The following MACROD1 variants were observed in gnomAD, a reference collection of about 807,000 sequenced individuals.
The protein encoded by MACROD1 is mono-ADP ribosylhydrolase 1.
MACROD1 carries 31 observed loss-of-function variants against 41.4 expected under a neutral mutation model. The observed-to-expected ratio is 0.75, with a 90% confidence interval of 0.56 to 1.01. The LOEUF (loss-of-function observed/expected upper bound fraction) is 1.01. MACROD1 is among the 50% of genes least tolerant of loss of function. MACROD1 has a pLI of 0.00. For missense variants in MACROD1, 473 were observed against 460.0 expected (o/e 1.03, Z -0.26); for synonymous variants, 252 against 203.4 (o/e 1.24, Z -2.03).
chr11:64,025,703 C>T lies in MACROD1; in HGVS notation c.518-10422G>A, dbSNP rs1171486516. ...TATCTGGGCAGGCCCACACTGCTCT[C>T]ATGGGCCCCCCCCGCTCCTTTTTTT... On this transcript the variant is annotated intron_variant, in intron 3 of 10. Transcript: ENST00000255681. Among the ~76,000 whole-genome samples, 11 of 129,064 alleles carry T rather than the reference C, an allele frequency of 8.5e-5. No homozygotes were observed. The East Asian group carries it at 2.2e-3, about 25-fold the overall frequency. 84.7% of individuals were successfully genotyped at this position (129,064 alleles called of 152,430 possible). A position where few individuals can be genotyped will look rare whatever the true frequency, so the allele number is the denominator to read the frequency against.
intron 3 of MACROD1, among the ~76,000 whole-genome samples, chr11:64,149,891 G>C (rs1173199352): frequency 6.6e-6 from 1 of 152,354 alleles, no homozygotes; most frequent in South Asian, 2.1e-4. Context: ...TGTCTTAGCT[G>C]TGTGTCCTCA....
chr11:64,101,165 G>A (rs1944664039), intron 3 of MACROD1, among the ~76,000 whole-genome samples: 5 of 152,100 alleles, frequency 3.3e-5, no homozygotes, highest in Admixed American at 3.3e-4. Flanking sequence ...ACGTCTGCAT[G>A]GATTCTTACA....
intron 3 of MACROD1, among the ~76,000 whole-genome samples, chr11:64,099,282 G>T (rs1034777051): frequency 6.6e-6 from 1 of 152,258 alleles, no homozygotes; most frequent in Admixed American, 6.5e-5. Context: ...CCCTGTGTGC[G>T]TCTCACATTG....
At chr11:64,049,920 CG>C (rs1043586499) in intron 3 of MACROD1, among the ~76,000 whole-genome samples, 3 of 152,138 alleles carry the variant, frequency 2.0e-5, no homozygotes, top group East Asian at 1.9e-4. Context: ...GCTGTGGCCC[CG>C]GGGGGGAGGC....
chr11:64,017,116 T>G (rs1255441490), intron 3 of MACROD1, among the ~76,000 whole-genome samples: 1 of 152,122 alleles, frequency 6.6e-6, no homozygotes, highest in East Asian at 1.9e-4. Flanking sequence ...ACTACAGGCA[T>G]GCGCCACCAC....
chr11:64,156,158 G>A (rs997036957), intron 1 of MACROD1, among the ~76,000 whole-genome samples: 1 of 151,460 alleles, frequency 6.6e-6, no homozygotes, highest in African/African-American at 2.4e-5. Context: ...ACATGTGCCT[G>A]TAGTCCCAAC....
chr11:64,035,238 G>A (rs926329986), intron 3 of MACROD1, among the ~76,000 whole-genome samples: 1 of 152,122 alleles, frequency 6.6e-6, no homozygotes, highest in African/African-American at 2.4e-5. Context: ...TAATAGGTGG[G>A]AGGGGTATTG....
intron 3 of MACROD1, among the ~76,000 whole-genome samples, chr11:64,075,218 C>T (rs1944179827): frequency 6.6e-6 from 1 of 152,244 alleles, no homozygotes; most frequent in Non-Finnish European, 1.5e-5. Flanking sequence ...GATCCACATG[C>T]CAGCTCCAGC....
intron 3 of MACROD1, among the ~76,000 whole-genome samples, chr11:64,121,374 A>C (rs1034065572): frequency 6.6e-6 from 1 of 152,190 alleles, no homozygotes; most frequent in Non-Finnish European, 1.5e-5. Flanking sequence ...AGTGTGGAGG[A>C]AGGTAGATGC....
chr11:64,003,991 G>C (rs903205468), intron 4 of MACROD1, among the ~76,000 whole-genome samples: 7 of 152,214 alleles, frequency 4.6e-5, no homozygotes, highest in Non-Finnish European at 1.0e-4. Flanking sequence ...GTGGGCTCTC[G>C]TTCCTCAGGC....
At chr11:64,045,775 G>A (rs1391192094) in intron 3 of MACROD1, among the ~76,000 whole-genome samples, 1 of 152,180 alleles carries the variant, frequency 6.6e-6, no homozygotes, top group Non-Finnish European at 1.5e-5. Flanking sequence ...GGATGAGAAG[G>A]AATTCAGAAC....
chr11:64,136,333 C>T (rs1004495924), intron 3 of MACROD1, among the ~76,000 whole-genome samples: 2 of 152,236 alleles, frequency 1.3e-5, no homozygotes, highest in African/African-American at 4.8e-5. Flanking sequence ...TTCAAGCTTC[C>T]TGGATCCCAG....
At chr11:64,070,125 C>T (rs996076093) in intron 3 of MACROD1, among the ~76,000 whole-genome samples, 2 of 152,172 alleles carry the variant, frequency 1.3e-5, no homozygotes, top group Admixed American at 6.5e-5. Context: ...ATACCCCTTA[C>T]ATAGATGTGG....
At chr11:64,164,931 C>T (rs1945814514) in intron 1 of MACROD1, among the ~76,000 whole-genome samples, 1 of 151,692 alleles carries the variant, frequency 6.6e-6, no homozygotes, top group South Asian at 2.1e-4. Flanking sequence ...AGGCCCCAGA[C>T]TCATGCCCCC....
chr11:64,028,310 TG>T (rs1275961781), intron 3 of MACROD1, among the ~76,000 whole-genome samples: 2 of 152,152 alleles, frequency 1.3e-5, no homozygotes, highest in Non-Finnish European at 2.9e-5. Context: ...CCTTGTCCTG[TG>T]GGGACACGAC....
intron 3 of MACROD1, among the ~76,000 whole-genome samples, chr11:64,040,592 G>A (rs1943465927): frequency 1.3e-5 from 2 of 152,222 alleles, no homozygotes; most frequent in African/African-American, 4.8e-5. Flanking sequence ...CCCTTTTCCC[G>A]AGAGCTGTGT....
Position 64,036,335 on chromosome 11 carries a change from G to C in MACROD1, c.518-21054C>G, listed in dbSNP as rs1943379527. 6.6e-6 allele frequency among the ~76,000 whole-genome samples: 1 copy of C among 152,148 alleles called. No individual in the cohort carries two copies. The highest frequency in any genetic ancestry group is 2.4e-5 in the African/African-American group (1 of 41,466). ...GCCCAGCCTTTGGGATTTGGGGTGG[G>C]GGTCCCTGAGTCAAGAGCCAAGCAC... On this transcript the variant is annotated intron_variant, in intron 3 of 10. Coordinates refer to ENST00000255681, the MANE Select transcript of MACROD1 (RefSeq NM_014067.4). This position sits in a 1 kb window ranked among gnomAD's most constrained non-coding sequence, Gnocchi z 5.6.
Position 64,166,109 on chromosome 11 carries a change from T to G in MACROD1, c.-115A>C. 1 of 1,159,146 alleles carries G rather than the reference T, an allele frequency of 8.6e-7. No homozygotes were observed. Among genetic ancestry groups the G allele is most frequent in the Non-Finnish European group, 1.1e-6 (1 of 923,072 alleles). 71.8% of individuals were successfully genotyped at this position (1,159,146 alleles called of 1,614,324 possible). A position where few individuals can be genotyped will look rare whatever the true frequency, so the allele number is the denominator to read the frequency against. ...TGGCGACTGCCAGCCAGCGGCGACC[T>G]GCTCGGAGCCAGCGGGAGGCGCGGC... On this transcript the variant is annotated 5_prime_UTR_variant, in exon 1 of 11. Transcript: ENST00000255681.
intron 3 of MACROD1, among the ~76,000 whole-genome samples, chr11:64,056,780 C>T (rs2134425628): frequency 6.6e-6 from 1 of 152,240 alleles, no homozygotes; most frequent in South Asian, 2.1e-4. Flanking sequence ...TAGTGCGAAC[C>T]CTGGGCTGAA....
Sources: gnomAD v4.1 joint callset for allele counts (sites outside exome capture counted in the v4.1 genomes callset) on GRCh38, gnomAD v4.1.1 for gene constraint, Gnocchi (gnomAD v3.1) non-coding constraint, MANE v1.5 for transcripts, NCBI Gene and HGNC (gene_info 2026-07-23, HGNC 2026-07-21) for gene names.